The following MARCHF1 variants were observed in gnomAD, a reference collection of about 807,000 sequenced individuals.
The protein encoded by MARCHF1 is membrane associated ring-CH-type finger 1, also known as E3 ubiquitin-protein ligase MARCHF1.
Under a neutral mutation model 54.2 loss-of-function variants are expected in MARCHF1, and 40 were observed. The observed-to-expected ratio is 0.74, with a 90% CI of 0.57 to 0.96. The LOEUF (loss-of-function observed/expected upper bound fraction) is 0.96, where lower values mean the gene tolerates loss of function less well. Ranked by LOEUF, MARCHF1 falls within the 40% of genes least tolerant of loss-of-function variation. The probability of loss-of-function intolerance (pLI) is 0.00; values close to 1 mark genes in which losing one functional copy is unlikely to be tolerated. For synonymous variants in MARCHF1, 236 were observed against 236.3 expected (o/e 1.00, Z 0.01); for missense variants, 586 against 656.5 (o/e 0.89, Z 1.17).
intron 1 of MARCHF1, among the ~76,000 whole-genome samples, chr4:164,195,137 T>G (rs1731220974): frequency 6.6e-6 from 1 of 152,140 alleles, no homozygotes; most frequent in South Asian, 2.1e-4. Context: ...CTTTTATTTT[T>G]TTTTTAAAGT....
intron 1 of MARCHF1, among the ~76,000 whole-genome samples, chr4:164,245,308 TAA>T (rs1340689973): frequency 6.6e-6 from 1 of 151,360 alleles, no homozygotes; most frequent in Non-Finnish European, 1.5e-5. Flanking sequence ...TTCAAACCAA[TAA>T]ACGTAATCCA....
intron 1 of MARCHF1, among the ~76,000 whole-genome samples, chr4:164,226,981 G>A (rs1732276687): frequency 6.6e-6 from 1 of 152,084 alleles, no homozygotes; most frequent in Non-Finnish European, 1.5e-5. Flanking sequence ...TTTGAGGGTG[G>A]TTTTTTATTC....
intron 3 of MARCHF1, among the ~76,000 whole-genome samples, chr4:163,913,690 C>T (rs1409494654): frequency 6.6e-6 from 1 of 152,116 alleles, no homozygotes; most frequent in Non-Finnish European, 1.5e-5. Context: ...CTCTGGATAG[C>T]CACTCTTGTT....
At chr4:163,994,321 C>A (rs1753025555) in intron 2 of MARCHF1, among the ~76,000 whole-genome samples, 1 of 144,122 alleles carries the variant, frequency 6.9e-6, no homozygotes, top group East Asian at 2.3e-4. Context: ...GGGGAGGAAG[C>A]ATTCTCACAC....
chr4:164,021,125 T>G (rs2110967716), intron 2 of MARCHF1, among the ~76,000 whole-genome samples: 1 of 151,580 alleles, frequency 6.6e-6, no homozygotes, highest in East Asian at 1.9e-4. Context: ...AGAGGCTGAC[T>G]TCTATGGACC....
intron 3 of MARCHF1, among the ~76,000 whole-genome samples, chr4:163,905,061 AAAGGCATC>A (rs1751034982): frequency 1.3e-5 from 2 of 152,098 alleles, no homozygotes; most frequent in South Asian, 4.1e-4. Flanking sequence ...GTTTTAGAAC[AAAGGCATC>A]AAGTATGGTG....
intron 3 of MARCHF1, among the ~76,000 whole-genome samples, chr4:163,896,295 T>C (rs954852014): frequency 3.3e-5 from 5 of 152,240 alleles, no homozygotes; most frequent in Non-Finnish European, 5.9e-5. Context: ...CTGTTTTCTT[T>C]CACCTCTGTA....
intron 8 of MARCHF1, among the ~76,000 whole-genome samples, chr4:163,573,127 A>T (rs1027353508): frequency 6.6e-6 from 1 of 151,984 alleles, no homozygotes; most frequent in African/African-American, 2.4e-5. Context: ...CATGTTAGAA[A>T]TGTTACTTAT....
chr4:163,881,111 T>G (rs1200853697), intron 3 of MARCHF1, among the ~76,000 whole-genome samples: 1 of 152,226 alleles, frequency 6.6e-6, no homozygotes, highest in Non-Finnish European at 1.5e-5. Flanking sequence ...CATCCATTCA[T>G]GATCTCATCA....
At position 164,263,261 on chromosome 4, in the gene MARCHF1, G is replaced by T. The variant is rs577124552; in HGVS notation, c.-323+120609C>A. Among the ~76,000 whole-genome samples the T allele has an allele frequency of 5.9e-5, 9 of 152,230 alleles. No homozygotes were observed. The South Asian group carries it at 1.2e-3, about 21-fold the overall frequency. ...CACTTAGAAAAACACACATAGGGAGGAGGGAGGAGTTTAAGACATTTTACT... is the reference window on the plus strand; with the variant it reads ...CACTTAGAAAAACACACATAGGGAGTAGGGAGGAGTTTAAGACATTTTACT... On this transcript the variant is annotated intron_variant, in intron 1 of 9. Transcript: ENST00000514618.
intron 2 of MARCHF1, among the ~76,000 whole-genome samples, chr4:164,104,066 A>G (rs1755635751): frequency 6.6e-6 from 1 of 151,464 alleles, no homozygotes; most frequent in African/African-American, 2.4e-5. Flanking sequence ...CTAAACCAGG[A>G]AGAAGTTGAA....
intron 2 of MARCHF1, among the ~76,000 whole-genome samples, chr4:164,000,746 T>G (rs1289140291): frequency 6.6e-6 from 1 of 151,702 alleles, no homozygotes; most frequent in Non-Finnish European, 1.5e-5. Flanking sequence ...AATTCTGTAC[T>G]ATGACTTTAT....
At chr4:163,824,123 G>T (rs910086952) in intron 4 of MARCHF1, among the ~76,000 whole-genome samples, 1 of 151,856 alleles carries the variant, frequency 6.6e-6, no homozygotes, top group Non-Finnish European at 1.5e-5. Context: ...GACAATTAGT[G>T]CATATAGTCT....
At chr4:164,192,649 C>T (rs1731152268) in intron 1 of MARCHF1, among the ~76,000 whole-genome samples, 1 of 152,180 alleles carries the variant, frequency 6.6e-6, no homozygotes, top group Admixed American at 6.5e-5. Context: ...ACTCTTGAAG[C>T]ACCTGGGGCT....
At chr4:164,096,955 A>T (rs1256721121) in intron 2 of MARCHF1, among the ~76,000 whole-genome samples, 1 of 152,140 alleles carries the variant, frequency 6.6e-6, no homozygotes, top group Non-Finnish European at 1.5e-5. Flanking sequence ...GCAAGGAGGA[A>T]AACCCCGGGG....
intron 4 of MARCHF1, among the ~76,000 whole-genome samples, chr4:163,844,109 C>T (rs1749418894): frequency 6.6e-6 from 1 of 151,842 alleles, no homozygotes; most frequent in African/African-American, 2.4e-5. Context: ...ATCATTTTTC[C>T]TGATCCTCTC....
At chr4:164,109,044 A>G (rs1755772085) in intron 2 of MARCHF1, among the ~76,000 whole-genome samples, 1 of 152,070 alleles carries the variant, frequency 6.6e-6, no homozygotes, top group South Asian at 2.1e-4. Flanking sequence ...TTCTCCATTG[A>G]AAACTGGACA....
At chr4:163,698,692 C>T (rs537888388) in intron 5 of MARCHF1, among the ~76,000 whole-genome samples, 10 of 152,224 alleles carry the variant, frequency 6.6e-5, no homozygotes, top group Admixed American at 2.0e-4. Context: ...AATACTAAAA[C>T]ATGATAAACG....
intron 2 of MARCHF1, among the ~76,000 whole-genome samples, chr4:164,047,973 A>G (rs911650567): frequency 1.3e-5 from 2 of 152,322 alleles, no homozygotes; most frequent in Non-Finnish European, 2.9e-5. Context: ...GAGCAGCATT[A>G]GCATATTCAA....
Sources: allele counts gnomAD v4.1 joint callset (sites outside exome capture counted in the v4.1 genomes callset), GRCh38; gene constraint gnomAD v4.1.1; transcripts MANE v1.5; gene names NCBI Gene and HGNC (gene_info 2026-07-23, HGNC 2026-07-21).